Variants in ACSM2A observed in about 807,000 individuals in gnomAD.
ACSM2A encodes acyl-CoA synthetase medium chain family member 2A.
In ACSM2A, 72 loss-of-function variants were observed where a neutral mutation model predicts 76.6. The observed-to-expected ratio is 0.94, with a 90% CI of 0.78 to 1.14. The LOEUF is 1.14. Among genes scored for constraint, ACSM2A ranks in the 50% most tolerant of loss-of-function variants. The pLI, the probability that ACSM2A is intolerant of heterozygous loss-of-function variation, is 0.00. For missense variants in ACSM2A, 684 were observed against 708.5 expected, an observed-to-expected ratio of 0.97 and a Z score of 0.39; for synonymous variants, 249 against 255.9, an observed-to-expected ratio of 0.97 and a Z score of 0.26.
intron 3 of ACSM2A, among the ~76,000 whole-genome samples, chr16:20,466,876 T>C (rs1333741212): frequency 1.3e-5 from 2 of 152,208 alleles, no homozygotes; most frequent in Non-Finnish European, 2.9e-5. Context: ...ACTCCTGAAC[T>C]ATAATTCTAA....
intron 2 of ACSM2A, 93 bp downstream of exon 2, chr16:20,460,384 T>C (rs1286828120): frequency 6.7e-7 from 1 of 1,495,212 alleles, no homozygotes; most frequent in Non-Finnish European, 9.0e-7. Flanking sequence ...AAGTACTTAT[T>C]ACATGTAAGG....
In ACSM2A at chr16:20,465,722, G is replaced by C. The variant is rs770257438; in HGVS notation, c.383G>C (p.Arg128Pro). Residue 128 changes from arginine (R) to proline (P), a missense_variant, in exon 3 of 14, where the codon CGA becomes CCA. This residue lies in a region of ACSM2A where 519 missense variants were observed against 549.5 expected (regional missense o/e 0.94). Transcript: ENST00000573854. The part of the protein sequence containing the change: ...EWWLVILGCI[R>P]AGLIFMPGTI... ...TGGCTGGTGATCCTGGGCTGCATTC[G>C]AGCAGGTTGGTAACTGACTACCTGG... 4.3e-6 allele frequency: 7 copies of C among 1,613,670 alleles called. No individual in the cohort carries two copies. Among genetic ancestry groups the C allele is most frequent in the Non-Finnish European group, 5.9e-6 (7 of 1,179,672 alleles).
intron 2 of ACSM2A, among the ~76,000 whole-genome samples, chr16:20,465,245 A>T (rs1292431450): frequency 6.6e-6 from 1 of 152,228 alleles, no homozygotes; most frequent in African/African-American, 2.4e-5. Flanking sequence ...TAAAAAAATT[A>T]TGCATGCTAA....
intron 2 of ACSM2A, among the ~76,000 whole-genome samples, chr16:20,464,444 G>A (rs2012842059): frequency 6.6e-6 from 1 of 152,174 alleles, no homozygotes; most frequent in Non-Finnish European, 1.5e-5. Context: ...TGCTTCTGAT[G>A]AGGGCCTCAA....
chr16:20,470,093 C>G (rs9922446), intron 4 of ACSM2A, among the ~76,000 whole-genome samples: 57,073 of 151,652 alleles, frequency 0.38, 12,118 homozygotes, highest in East Asian at 0.79. Context: ...TGAAGAGTGG[C>G]TCAGAGTTCC....
Position 20,480,760 on chromosome 16 carries a change from A to G in ACSM2A, c.1409+60A>G, listed in dbSNP as rs999382327. On this transcript the variant is annotated intron_variant, in intron 11 of 13. Transcript: ENST00000573854. ...GGGTCTTTACTCTGGCTGGTTCCAG[A>G]CTTCTGGAATGGCCTAGAGGTTCGG... The G allele has an allele frequency of 1.4e-5, 23 of 1,612,270 alleles. No homozygotes were observed. In the Admixed American group the frequency reaches 2.8e-4, roughly 20 times the overall value.
At chr16:20,456,682 T>C (rs1380984808) in intron 1 of ACSM2A, among the ~76,000 whole-genome samples, 2 of 147,992 alleles carry the variant, frequency 1.4e-5, no homozygotes, top group African/African-American at 5.1e-5. Context: ...TAGCCTTAAA[T>C]GCCTTCATCA....
At chr16:20,481,776 C>A (rs563287819) in intron 12 of ACSM2A, 6 of 139,622 alleles carry the variant, frequency 4.3e-5, no homozygotes, top group Non-Finnish European at 3.1e-5. Flanking sequence ...GATGGACACC[C>A]CAAGTATCCT....
In ACSM2A at chr16:20,479,934, T is replaced by C. The variant is rs1282340762; in HGVS notation, c.1282-639T>C. Among the ~76,000 whole-genome samples, 2 of 152,320 alleles carry C rather than the reference T, an allele frequency of 1.3e-5. 1 individual carries two copies. ...ATCAGTATCCCTATATTCCCAATGA[T>C]AGAGTGAGGCTAAGAATCCTTTATG... On this transcript the variant is annotated intron_variant, in intron 10 of 13. Transcript: ENST00000573854.
intron 13 of ACSM2A, among the ~76,000 whole-genome samples, chr16:20,485,122 A>G (rs1427093175): frequency 1.3e-5 from 2 of 152,220 alleles, no homozygotes; most frequent in African/African-American, 2.4e-5. Flanking sequence ...GGCATCAGAC[A>G]CTTAGAAGAG....
At chr16:20,462,434 G>T (rs2012680778) in intron 2 of ACSM2A, among the ~76,000 whole-genome samples, 1 of 152,102 alleles carries the variant, frequency 6.6e-6, no homozygotes, top group Non-Finnish European at 1.5e-5. Flanking sequence ...AGTTAGCTTG[G>T]TCTATGCCCA....
intron 1 of ACSM2A, among the ~76,000 whole-genome samples, chr16:20,456,374 T>G (rs1169371343): frequency 7.2e-6 from 1 of 138,558 alleles, no homozygotes; most frequent in African/African-American, 2.8e-5. Flanking sequence ...GCATGGAACT[T>G]TCTCCAAGAT....
chr16:20,477,549 A>G, intron 9 of ACSM2A, 100 bp downstream of exon 9: 1 of 1,468,936 alleles, frequency 6.8e-7, no homozygotes, highest in Non-Finnish European at 9.1e-7. Flanking sequence ...AATAGAAAGT[A>G]CTGATATTAA....
At chr16:20,480,421 G>A (rs2014016691) in intron 10 of ACSM2A, 152 bp from the exon 11 acceptor site, 2 of 1,398,694 alleles carry the variant, frequency 1.4e-6, no homozygotes, top group Non-Finnish European at 1.9e-6. Context: ...TGTGGCCTAG[G>A]GTTGGCTGGT....
chr16:20,471,428 C>T lies in ACSM2A; in HGVS notation c.741-108C>T, dbSNP rs182550729. Reference sequence around the variant, plus strand: ...GCCTATAAACCTGCAGGCAGATACACACACACCTCTGCACACACACCTCCC... The same window carrying T: ...GCCTATAAACCTGCAGGCAGATACATACACACCTCTGCACACACACCTCCC... On this transcript the variant is annotated intron_variant, in intron 5 of 13. Transcript: ENST00000573854. The T allele has an allele frequency of 2.4e-4, 367 of 1,509,512 alleles. 2 individuals carry two copies. The African/African-American group carries it at 4.0e-3, about 17-fold the overall frequency. The allele number at this position is 1,509,512 out of a possible 1,614,324, so 93.5% of individuals were successfully genotyped here.
Position 20,470,231 on chromosome 16 carries a change from C to A in ACSM2A, c.596+512C>A, listed in dbSNP as rs540991147. ...AGAACAATTTACTGGAACTATGACT[C>A]AAATCAGGGGTGAGGCCAAGGTCAT... On this transcript the variant is annotated intron_variant, in intron 4 of 13. Coordinates refer to ENST00000573854, the MANE Select transcript of ACSM2A (RefSeq NM_001308172.2). 5.8e-3 allele frequency among the ~76,000 whole-genome samples: 883 copies of A among 152,230 alleles called. 3 individuals carry two copies. The highest frequency in any genetic ancestry group is 9.2e-3 in the Non-Finnish European group (628 of 68,002).
Position 20,471,777 on chromosome 16 carries a change from T to C in ACSM2A, c.894+88T>C. On this transcript the variant is annotated intron_variant, in intron 6 of 13. Transcript: ENST00000573854. ...TTATTGTAGTTTGTTTCAATTCATC[T>C]AATTTTTGCTAAACCCCTGCCATGT... The C allele has an allele frequency of 2.6e-6, 4 of 1,541,816 alleles. No homozygotes were observed. The South Asian group carries it at 3.9e-5, about 15-fold the overall frequency.
chr16:20,471,247 T>C (rs778941268), intron 5 of ACSM2A, 31 bp downstream of exon 5: 2 of 1,600,976 alleles, frequency 1.2e-6, no homozygotes, highest in Non-Finnish European at 1.7e-6. Flanking sequence ...CTACAGAGAA[T>C]TACATGAGTT....
At chr16:20,459,004 A>G (rs1320968486) in intron 1 of ACSM2A, among the ~76,000 whole-genome samples, 1 of 141,044 alleles carries the variant, frequency 7.1e-6, no homozygotes, top group African/African-American at 2.7e-5. Flanking sequence ...AGCAACCTGG[A>G]TGGGATTGGA....
Sources: allele counts gnomAD v4.1 joint callset (sites outside exome capture counted in the v4.1 genomes callset), GRCh38; gene constraint gnomAD v4.1.1; regional missense constraint gnomAD v4.1.1; transcripts MANE v1.5; gene names NCBI Gene and HGNC (gene_info 2026-07-23, HGNC 2026-07-21).